HIP1: variants seen among roughly 807,000 people sequenced by gnomAD.
HIP1 encodes huntingtin interacting protein 1.
A neutral mutation model predicts 147.6 loss-of-function variants in HIP1; 65 were observed. The observed-to-expected ratio is 0.44, with a 90% CI of 0.36 to 0.54. The LOEUF (loss-of-function observed/expected upper bound fraction) is 0.54, where lower values mean the gene tolerates loss of function less well. Among genes scored for constraint, HIP1 ranks in the 20% least tolerant of loss-of-function variants. HIP1 has a pLI of 0.00. For missense variants in HIP1, 1,061 were observed against 1,299.6 expected, an observed-to-expected ratio of 0.82 and a Z score of 2.82; for synonymous variants, 479 against 504.0, an observed-to-expected ratio of 0.95 and a Z score of 0.67.
At chr7:75,628,956 A>T (rs1222441544) in intron 1 of HIP1, among the ~76,000 whole-genome samples, 4 of 152,140 alleles carry the variant, frequency 2.6e-5, no homozygotes, top group Non-Finnish European at 5.9e-5. Flanking sequence ...AAACATCCCT[A>T]CCCAGCACTG....
At chr7:75,656,995 G>A (rs1005881921) in intron 1 of HIP1, among the ~76,000 whole-genome samples, 3 of 152,134 alleles carry the variant, frequency 2.0e-5, no homozygotes, top group African/African-American at 4.8e-5. Context: ...TATTCCCAAG[G>A]GAAAGGCAAA....
At chr7:75,642,054 A>G (rs560812460) in intron 1 of HIP1, among the ~76,000 whole-genome samples, 2 of 152,128 alleles carry the variant, frequency 1.3e-5, no homozygotes, top group Admixed American at 6.6e-5. Context: ...CATCCTATAC[A>G]CATCTAATTG....
At chr7:75,596,227 C>A (rs1554501932) in intron 2 of HIP1, among the ~76,000 whole-genome samples, 3 of 127,754 alleles carry the variant, frequency 2.3e-5, no homozygotes, top group East Asian at 2.2e-4. Flanking sequence ...CAGTGCATGA[C>A]CCTGCCTCAA....
At chr7:75,608,169 G>A (rs145301707) in intron 1 of HIP1, among the ~76,000 whole-genome samples, 5 of 152,226 alleles carry the variant, frequency 3.3e-5, no homozygotes, top group Admixed American at 2.0e-4. Flanking sequence ...TTAGCCGGGC[G>A]TGGTGGTGGG....
chr7:75,685,405 T>C (rs1261503946), intron 1 of HIP1, among the ~76,000 whole-genome samples: 1 of 152,202 alleles, frequency 6.6e-6, no homozygotes, highest in Non-Finnish European at 1.5e-5. Context: ...CACTGTGAAA[T>C]GGTATTGCGT....
At chr7:75,637,983 C>A (rs75537391) in intron 1 of HIP1, among the ~76,000 whole-genome samples, 1 of 41,018 alleles carries the variant, frequency 2.4e-5, no homozygotes, top group Non-Finnish European at 5.5e-5. Context: ...CCAGACCCCC[C>A]CCCCCCCCCC....
Position 75,556,033 on chromosome 7 carries a change from C to T in HIP1, c.1820G>A (p.Ser607Asn). ...TCCATGTCCGTGACTTGCCTCTGTG[C>T]TGGCCAGTTTGAGCTGAGTGTCCTG... Reference protein sequence around the residue: ...ELQDTQLKLASTEESMCQLAK... With the variant: ...ELQDTQLKLANTEESMCQLAK... The change falls in exon 18 of 31, where the codon AGC (serine) becomes AAC (asparagine). Residue 607 changes from serine (S) to asparagine (N), a missense_variant. Around this residue, in one of 3 missense-constraint regions of HIP1, gnomAD observed 810 missense variants for 946.8 expected, o/e 0.86. Coordinates refer to ENST00000336926, the MANE Select transcript of HIP1 (RefSeq NM_005338.7). The T allele has an allele frequency of 6.2e-7, 1 of 1,614,042 alleles. No individual in the cohort carries two copies. Among genetic ancestry groups the T allele is most frequent in the South Asian group, 1.1e-5 (1 of 91,072 alleles).
chr7:75,610,203 C>CTTTT lies in HIP1; in HGVS notation c.121-10960_121-10957dup, dbSNP rs35158879. Among the ~76,000 whole-genome samples, 514 of 133,008 alleles carry CTTTT rather than the reference C, an allele frequency of 3.9e-3. 6 individuals are homozygous for CTTTT. The highest frequency in any genetic ancestry group is 0.014 in the African/African-American group (495 of 35,632). 87.3% of individuals were successfully genotyped at this position (133,008 alleles called of 152,430 possible). ...CAGGCATGAGCCACCTCATCCAGCC[C>CTTTT]TTTTTTTTTTTTTTTTTTTATAAGA... On this transcript the variant is annotated intron_variant, in intron 1 of 30. Transcript: ENST00000336926.
intron 1 of HIP1, among the ~76,000 whole-genome samples, chr7:75,709,109 C>CTTTTTTTTTTTTTTTTT (rs55720152): frequency 1.3e-4 from 17 of 131,420 alleles, no homozygotes; most frequent in East Asian, 2.2e-4. Flanking sequence ...TTTTTCTTTT[C>CTTTTTTTTTTTTTTTTT]TTTTTTTTTT....
intron 1 of HIP1, among the ~76,000 whole-genome samples, chr7:75,696,953 C>T (rs1554518811): frequency 6.7e-6 from 1 of 148,576 alleles, no homozygotes; most frequent in African/African-American, 2.6e-5. Flanking sequence ...ACAGGTCCTC[C>T]CCCCATCCCA....
intron 7 of HIP1, among the ~76,000 whole-genome samples, chr7:75,577,860 C>T (rs587630327): frequency 4.6e-5 from 7 of 152,036 alleles, no homozygotes; most frequent in East Asian, 1.9e-4. Context: ...ATTAGCCGGG[C>T]GTGGTGGCAC....
intron 2 of HIP1, among the ~76,000 whole-genome samples, chr7:75,594,859 T>C (rs1796631030): frequency 6.6e-6 from 1 of 152,140 alleles, no homozygotes; most frequent in African/African-American, 2.4e-5. Flanking sequence ...CTTTTTGGAG[T>C]GAGGAGAGAA....
chr7:75,559,699 C>CGGGGGGGGGGGGGG, intron 14 of HIP1, 33 bp downstream of exon 14: 1 of 1,226,538 alleles, frequency 8.2e-7, no homozygotes, highest in Non-Finnish European at 1.1e-6. Context: ...CGCCTGCCCC[C>CGGGGGGGGGGGGGG]GGGGCCCGCC....
At chr7:75,649,787 A>T (rs1288832973) in intron 1 of HIP1, among the ~76,000 whole-genome samples, 4 of 152,184 alleles carry the variant, frequency 2.6e-5, no homozygotes, top group African/African-American at 7.2e-5. Flanking sequence ...CACTTCCCTT[A>T]CTGCTTCTCC....
intron 25 of HIP1, among the ~76,000 whole-genome samples, chr7:75,546,500 C>T (rs1249976214): frequency 6.6e-6 from 1 of 152,148 alleles, no homozygotes; most frequent in Admixed American, 6.5e-5. Context: ...TGTGAGACCA[C>T]GAAGTGGTGC....
Position 75,586,816 on chromosome 7 carries a change from C to G in HIP1, c.402G>C (p.Gly134=). Residue 134 remains glycine, a synonymous_variant, in exon 5 of 31, where the codon GGG becomes GGC. Transcript: ENST00000336926. ...MSRMWGHLSE[G]YGQLCSIYLK... is the part of the protein sequence containing the mutation. ...GGTAGATGCTGCACAGCTGGCCATA[C>G]CCCTCGCTCAGGTGGCCCTTTTAGG... 1 of 1,612,760 alleles carries G rather than the reference C, an allele frequency of 6.2e-7. No homozygotes were observed. Among genetic ancestry groups the G allele is most frequent in the Non-Finnish European group, 8.5e-7 (1 of 1,178,918 alleles).
At chr7:75,624,816 T>A (rs1797978890) in intron 1 of HIP1, among the ~76,000 whole-genome samples, 1 of 152,148 alleles carries the variant, frequency 6.6e-6, no homozygotes, top group Admixed American at 6.6e-5. Flanking sequence ...GCCAAAACCA[T>A]CTCCATTTAT....
Position 75,592,525 on chromosome 7 carries a change from G to T in HIP1, c.185-11C>A, listed in dbSNP as rs782602232. 25 of 1,607,392 alleles carry T rather than the reference G, an allele frequency of 1.6e-5. No individual in the cohort carries two copies. The highest frequency in any genetic ancestry group is 2.0e-5 in the Non-Finnish European group (24 of 1,178,536). ...TGCCCAGTATGCACGGTGAGGGGGG[G>T]TTATGGAAAACAACGGATGGGCTCT... On this transcript the variant is annotated splice_polypyrimidine_tract_variant and intron_variant, in intron 2 of 30. Coordinates refer to ENST00000336926, the MANE Select transcript of HIP1 (RefSeq NM_005338.7).
At chr7:75,627,350 T>C (rs1267107170) in intron 1 of HIP1, among the ~76,000 whole-genome samples, 1 of 152,128 alleles carries the variant, frequency 6.6e-6, no homozygotes, top group Admixed American at 6.6e-5. Context: ...CTATAGGAGT[T>C]TCCTTAAATC....
Sources: gnomAD v4.1 joint callset for allele counts (sites outside exome capture counted in the v4.1 genomes callset) on GRCh38, gnomAD v4.1.1 for gene constraint, gnomAD v4.1.1 regional missense constraint, MANE v1.5 for transcripts, NCBI Gene and HGNC (gene_info 2026-07-23, HGNC 2026-07-21) for gene names.